CAMTA1: variants seen among roughly 807,000 people sequenced by gnomAD.
The protein encoded by CAMTA1 is calmodulin-binding transcription activator 1.
Under a neutral mutation model 170.9 loss-of-function variants are expected in CAMTA1, and 27 were observed. The ratio of observed to expected loss-of-function variants is 0.16; its 90% CI spans 0.12 to 0.22. The LOEUF (loss-of-function observed/expected upper bound fraction) is 0.22, where lower values mean the gene tolerates loss of function less well. Ranked by LOEUF, CAMTA1 falls within the 10% of genes least tolerant of loss-of-function variation. CAMTA1 has a pLI of 1.00. For missense variants in CAMTA1, 1,619 were observed against 2,217.2 expected (o/e 0.73, Z 5.42); for synonymous variants, 833 against 891.5 (o/e 0.93, Z 1.17).
At chr1:7,165,590 CCTGA>C (rs2148793508) in intron 4 of CAMTA1, among the ~76,000 whole-genome samples, 1 of 152,238 alleles carries the variant, frequency 6.6e-6, no homozygotes, top group Non-Finnish European at 1.5e-5. Context: ...CACCACCATG[CCTGA>C]CTAATTTTAG....
chr1:7,630,819 T>C (rs981670461), intron 6 of CAMTA1, among the ~76,000 whole-genome samples: 1 of 152,214 alleles, frequency 6.6e-6, no homozygotes. Context: ...GGAGGTGTTC[T>C]GTGTGCCTGC....
chr1:7,616,291 C>CT (rs376216225), intron 6 of CAMTA1, among the ~76,000 whole-genome samples: 49 of 152,368 alleles, frequency 3.2e-4, no homozygotes, highest in African/African-American at 1.2e-3. Flanking sequence ...CTTGAGAGCA[C>CT]TTGATGAATG....
chr1:7,277,071 TA>T lies in CAMTA1; in HGVS notation c.438+27448del, dbSNP rs1428808971. Among the ~76,000 whole-genome samples, 8 of 152,298 alleles carry T rather than the reference TA, an allele frequency of 5.3e-5. No individual in the cohort carries two copies. The East Asian group carries it at 1.5e-3, about 29-fold the overall frequency. On this transcript the variant is annotated intron_variant, in intron 5 of 22. Transcript: ENST00000303635. Reference sequence around the variant, plus strand: ...TTGCTGACAGAAATTAAAGAAGACTTAAATAAATGGAGTGATATACCATGTT... The same window carrying T: ...TTGCTGACAGAAATTAAAGAAGACTTAATAAATGGAGTGATATACCATGTT...
At chr1:7,596,429 C>G (rs369808181) in intron 6 of CAMTA1, among the ~76,000 whole-genome samples, 1 of 152,244 alleles carries the variant, frequency 6.6e-6, no homozygotes, top group Non-Finnish European at 1.5e-5. Flanking sequence ...TCTCCCACCC[C>G]CATGCCTGCT....
chr1:7,383,789 G>C (rs1349475538), intron 5 of CAMTA1, among the ~76,000 whole-genome samples: 1 of 151,966 alleles, frequency 6.6e-6, no homozygotes, highest in Non-Finnish European at 1.5e-5. Context: ...AGGAGGATGA[G>C]GATGATGGAG....
chr1:6,894,937 A>G (rs532734087), intron 3 of CAMTA1, among the ~76,000 whole-genome samples: 2 of 152,194 alleles, frequency 1.3e-5, no homozygotes, highest in African/African-American at 4.8e-5. Flanking sequence ...GCTGCTTCAG[A>G]TGGAGGGTCT....
In CAMTA1 at chr1:7,562,416, T is replaced by C. The variant is rs1428970728; in HGVS notation, c.511-77984T>C. Among the ~76,000 whole-genome samples, 2 of 152,144 alleles carry C rather than the reference T, an allele frequency of 1.3e-5. No individual in the cohort carries two copies. Among genetic ancestry groups the C allele is most frequent in the African/African-American group, 4.8e-5 (2 of 41,422 alleles). On this transcript the variant is annotated intron_variant, in intron 6 of 22. Coordinates refer to ENST00000303635, the MANE Select transcript of CAMTA1 (RefSeq NM_015215.4). The surrounding 1 kb of genome is among the most constrained non-coding windows in gnomAD (Gnocchi z 4.8). ...GCAGGCCGCGGCAGCTCAGCTAATT[T>C]AAGCTTTGTTTGCTGCGATGCTGGA...
rs575472810 is a variant in CAMTA1, at chr1:6,984,297, GTTTC to G, written c.235-106999_235-106996del. Among the ~76,000 whole-genome samples the G allele has an allele frequency of 2.6e-5, 4 of 151,992 alleles. No homozygotes were observed. The South Asian group carries it at 8.4e-4, about 32-fold the overall frequency. On this transcript the variant is annotated intron_variant, in intron 3 of 22. Transcript: ENST00000303635. ...CTGCATTGTAAAAGTGCATAAAGGG[GTTTC>G]TTTCTTTTCATGGAGAAAATTTCTA...
intron 5 of CAMTA1, among the ~76,000 whole-genome samples, chr1:7,352,409 C>A (rs2084752562): frequency 6.6e-6 from 1 of 152,174 alleles, no homozygotes; most frequent in Non-Finnish European, 1.5e-5. Context: ...TTGGATTTCA[C>A]CATGTGTTTA....
intron 9 of CAMTA1, among the ~76,000 whole-genome samples, chr1:7,669,738 T>TGG (rs1558095506): frequency 6.6e-6 from 1 of 152,266 alleles, no homozygotes; most frequent in East Asian, 1.9e-4. Flanking sequence ...ATGGCGCCTC[T>TGG]GGGGTGGGTC....
At chr1:7,254,209 T>C (rs1667029535) in intron 5 of CAMTA1, among the ~76,000 whole-genome samples, 1 of 152,168 alleles carries the variant, frequency 6.6e-6, no homozygotes, top group South Asian at 2.1e-4. Context: ...TCGTGATGGG[T>C]CAGTATTTCC....
In CAMTA1 at chr1:7,565,861, G is replaced by C. The variant is rs2095034330; in HGVS notation, c.511-74539G>C. 6.6e-6 allele frequency among the ~76,000 whole-genome samples: 1 copy of C among 152,116 alleles called. No individual in the cohort carries two copies. Among genetic ancestry groups the C allele is most frequent in the Non-Finnish European group, 1.5e-5 (1 of 68,000 alleles). ...GATCAGGATGCTAGCGTGGTTGGGG[G>C]CTGGTGAGGACTCCCTTCCTGGCTT... On this transcript the variant is annotated intron_variant, in intron 6 of 22. Coordinates refer to ENST00000303635, the MANE Select transcript of CAMTA1 (RefSeq NM_015215.4). This position sits in a 1 kb window ranked among gnomAD's most constrained non-coding sequence, Gnocchi z 4.5.
rs370229071 is a variant in CAMTA1 at position 7,569,061 on chromosome 1, C to G, written c.511-71339C>G. Among the ~76,000 whole-genome samples, 16 of 151,444 alleles carry G rather than the reference C, an allele frequency of 1.1e-4. No homozygotes were observed. The East Asian group carries it at 2.7e-3, about 26-fold the overall frequency. Reference sequence around the variant, plus strand: ...CATCACCACCATCATTCTCCATCATCATCATTACCACCACCATCATCAACA... The same window carrying G: ...CATCACCACCATCATTCTCCATCATGATCATTACCACCACCATCATCAACA... On this transcript the variant is annotated intron_variant, in intron 6 of 22. Coordinates refer to ENST00000303635, the MANE Select transcript of CAMTA1 (RefSeq NM_015215.4).
rs990577212 is a variant in CAMTA1, at chr1:7,041,010, T to C, written c.235-50294T>C. On this transcript the variant is annotated intron_variant, in intron 3 of 22. Coordinates refer to ENST00000303635, the MANE Select transcript of CAMTA1 (RefSeq NM_015215.4). The surrounding 1 kb of genome is among the most constrained non-coding windows in gnomAD (Gnocchi z 5.1). ...GTGCTGGGATTACAGGCATGAGCCA[T>C]GGTGCCTGGCCCTCCCTCTGTTTTT... is the stretch of plus-strand genomic sequence containing the variant. Among the ~76,000 whole-genome samples the C allele has an allele frequency of 7.2e-5, 11 of 152,088 alleles. No individual in the cohort carries two copies. The South Asian group carries it at 1.0e-3, about 14-fold the overall frequency.
intron 5 of CAMTA1, among the ~76,000 whole-genome samples, chr1:7,402,557 G>A (rs955883018): frequency 3.3e-5 from 5 of 152,162 alleles, no homozygotes; most frequent in African/African-American, 4.8e-5. Flanking sequence ...ATTATATGCT[G>A]CAGTCGTGAT....
chr1:7,006,598 A>T (rs1332071702), intron 3 of CAMTA1, among the ~76,000 whole-genome samples: 1 of 152,178 alleles, frequency 6.6e-6, no homozygotes, highest in Non-Finnish European at 1.5e-5. Context: ...TGGAGAACCC[A>T]GTTGAGGTGG....
At chr1:7,489,636 G>C (rs995229844) in intron 6 of CAMTA1, among the ~76,000 whole-genome samples, 3 of 152,180 alleles carry the variant, frequency 2.0e-5, no homozygotes, top group Admixed American at 6.5e-5. Flanking sequence ...AAGTTATTTG[G>C]AATGCAAAGC....
chr1:7,151,733 G>C (rs946577437), intron 4 of CAMTA1, among the ~76,000 whole-genome samples: 1 of 152,198 alleles, frequency 6.6e-6, no homozygotes, highest in African/African-American at 2.4e-5. Context: ...CAGGCTGCTG[G>C]TGCTCCTGGT....
intron 4 of CAMTA1, among the ~76,000 whole-genome samples, chr1:7,237,496 A>G (rs112929280): frequency 0.011 from 1,635 of 152,214 alleles, 22 homozygotes; most frequent in African/African-American, 0.037. Context: ...CATGAACCAG[A>G]CCTGTTTTGG....
Sources: allele counts gnomAD v4.1 joint callset (sites outside exome capture counted in the v4.1 genomes callset), GRCh38; gene constraint gnomAD v4.1.1; non-coding constraint Gnocchi (gnomAD v3.1); transcripts MANE v1.5; gene names NCBI Gene and HGNC (gene_info 2026-07-23, HGNC 2026-07-21).